S100A7A: variants seen among roughly 807,000 people sequenced by gnomAD.
S100A7A encodes protein S100-A7A.
A neutral mutation model predicts 4.0 loss-of-function variants in S100A7A; 5 were observed. The observed-to-expected ratio is 1.26, with a 90% CI of 0.66 to 2.66. S100A7A has a LOEUF of 2.66. S100A7A is among the 30% of genes most tolerant of loss of function. The pLI, the probability that S100A7A is intolerant of heterozygous loss-of-function variation, is 0.01. For missense variants in S100A7A, 159 were observed against 125.1 expected, an observed-to-expected ratio of 1.27 and a Z score of -1.29; for synonymous variants, 52 against 46.4, an observed-to-expected ratio of 1.12 and a Z score of -0.49.
intron 1 of S100A7A, 31 bp downstream of exon 1, chr1:153,416,594 A>G (rs1662723797): frequency 2.2e-6 from 1 of 463,668 alleles, no homozygotes; most frequent in Non-Finnish European, 4.3e-6. Flanking sequence ...TGCATTTTCT[A>G]GAAGTGCCCA....
intron 1 of S100A7A, chr1:153,417,298 A>C (rs1031180444): frequency 6.6e-6 from 1 of 152,198 alleles, no homozygotes; most frequent in Non-Finnish European, 1.5e-5. Context: ...TTTTATTTAA[A>C]CAGGGTCAAC....
In S100A7A at chr1:153,418,115, A is replaced by T. The variant is rs780636041; in HGVS notation, c.33A>T (p.Ile11=). Residue 11 remains isoleucine (I), a synonymous_variant, in exon 2 of 3, where the codon ATA becomes ATT. Coordinates refer to ENST00000368729, the MANE Select transcript of S100A7A (RefSeq NM_176823.4). Reference sequence around the variant, plus strand: ...ACACTCAAGCTGAGAGGTCCATAATAGGCATGATCGACATGTTTCACAAAT... The same window carrying T: ...ACACTCAAGCTGAGAGGTCCATAATTGGCATGATCGACATGTTTCACAAAT... MSNTQAERSI[I]GMIDMFHKYT... The T allele has an allele frequency of 2.8e-5, 45 of 1,614,082 alleles. No homozygotes were observed. The highest frequency in any genetic ancestry group is 5.0e-5 in the Admixed American group (3 of 60,010).
chr1:153,419,532 T>G lies in S100A7A; in HGVS notation c.*223T>G, dbSNP rs148609184. Reference sequence around the variant, plus strand: ...CCTATGGCCTCCAGCAGAGCTGATCTGCCTCTCACACAGGTCCTGGTGTCT... The same window carrying G: ...CCTATGGCCTCCAGCAGAGCTGATCGGCCTCTCACACAGGTCCTGGTGTCT... On this transcript the variant is annotated 3_prime_UTR_variant, in exon 3 of 3. Coordinates refer to ENST00000368729, the MANE Select transcript of S100A7A (RefSeq NM_176823.4). 3.4e-6 allele frequency: 2 copies of G among 584,986 alleles called. No homozygotes were observed. Among genetic ancestry groups the G allele is most frequent in the Admixed American group, 6.2e-5 (2 of 32,384 alleles). The allele number at this position is 584,986 out of a possible 1,614,324, so 36.2% of individuals were successfully genotyped here. A position where few individuals can be genotyped will look rare whatever the true frequency, so the allele number is the denominator to read the frequency against.
intron 2 of S100A7A, 75 bp downstream of exon 2, chr1:153,418,298 G>C: frequency 6.3e-7 from 1 of 1,583,524 alleles, no homozygotes; most frequent in Non-Finnish European, 8.6e-7. Flanking sequence ...ATGTGGCCTT[G>C]GACAGGTCAC....
In S100A7A at chr1:153,419,211, A is replaced by C. The variant is rs754186333; in HGVS notation, c.208A>C (p.Ile70Leu). 1 of 1,614,168 alleles carries C rather than the reference A, an allele frequency of 6.2e-7. No individual in the cohort carries two copies. The highest frequency in any genetic ancestry group is 1.1e-5 in the South Asian group (1 of 91,080). The part of the protein sequence containing the change: ...EKKDKNEDKK[I>L]DFSEFLSLLG... ...AAAGGACAAGAATGAGGATAAGAAGATTGATTTTTCTGAGTTTCTGTCCTT... is the reference window on the plus strand; with the variant it reads ...AAAGGACAAGAATGAGGATAAGAAGCTTGATTTTTCTGAGTTTCTGTCCTT... The change falls in exon 3 of 3, where the codon ATT becomes CTT. Residue 70 changes from isoleucine to leucine, a missense_variant. Physicochemically the swap from Ile to Leu is conservative, Grantham distance 5. Transcript: ENST00000368729.
rs573807917 is a variant in S100A7A at position 153,419,263 on chromosome 1, A to G, written c.260A>G (p.His87Arg). ...CTGGGAGACATAGCCGCAGACTACC[A>G]CAAGCAGAGCCATGGAGCGGCGCCC... ...SLLGDIAADYHKQSHGAAPCS... is the reference protein window; with the variant it reads ...SLLGDIAADYRKQSHGAAPCS... The change falls in exon 3 of 3, where the codon CAC becomes CGC. Residue 87 changes from histidine to arginine, a missense_variant. Physicochemically the swap from His to Arg is conservative, Grantham distance 29. Transcript: ENST00000368729. The G allele has an allele frequency of 6.2e-7, 1 of 1,614,148 alleles. No individual in the cohort carries two copies. Among genetic ancestry groups the G allele is most frequent in the South Asian group, 1.1e-5 (1 of 91,078 alleles).
In S100A7A at chr1:153,420,603, TCTC is replaced by T. The variant is rs1381460066; in HGVS notation, c.*1298_*1300del. 6.6e-6 allele frequency: 1 copy of T among 152,304 alleles called. No homozygotes were observed. Among genetic ancestry groups the T allele is most frequent in the Non-Finnish European group, 1.5e-5 (1 of 68,136 alleles). The allele number at this position is 152,304 out of a possible 1,614,324, so 9.4% of individuals were successfully genotyped here. On this transcript the variant is annotated 3_prime_UTR_variant, in exon 3 of 3. Transcript: ENST00000368729. ...TCACACCTCTATTCACAGACCAGCATCTCCTCTCCTTATCAGGAACATTCCTTC... is the reference window on the plus strand; with the variant it reads ...TCACACCTCTATTCACAGACCAGCATCTCTCCTTATCAGGAACATTCCTTC...
chr1:153,419,377 C>T lies in S100A7A; in HGVS notation c.*68C>T, dbSNP rs1055154564. The T allele has an allele frequency of 6.7e-7, 1 of 1,487,072 alleles. No individual in the cohort carries two copies. Among genetic ancestry groups the T allele is most frequent in the Non-Finnish European group, 9.1e-7 (1 of 1,093,662 alleles). 92.1% of individuals were successfully genotyped at this position (1,487,072 alleles called of 1,614,324 possible). ...AGTGTCTCCTCCCACCAGACACTTG[C>T]CTTATTTCTTCTTCTCTTTGGTGAC... On this transcript the variant is annotated 3_prime_UTR_variant, in exon 3 of 3. Transcript: ENST00000368729.
chr1:153,422,440 T>C lies in S100A7A; in HGVS notation c.*3131T>C. 1 of 871,600 alleles carries C rather than the reference T, an allele frequency of 1.1e-6. No homozygotes were observed. The highest frequency in any genetic ancestry group is 1.4e-6 in the Non-Finnish European group (1 of 726,310). 54.0% of individuals were successfully genotyped at this position (871,600 alleles called of 1,614,324 possible). On this transcript the variant is annotated 3_prime_UTR_variant, in exon 3 of 3. Transcript: ENST00000368729. The stretch of plus-strand genomic sequence containing the variant: ...TACTAGAGCAAGAATTTACTTGATT[T>C]GGAATAATTAATAGCTACTGGACAT...
At chr1:153,417,893 G>C in intron 1 of S100A7A, 173 bp from the exon 2 acceptor site, 1 of 768,968 alleles carries the variant, frequency 1.3e-6, no homozygotes, top group Non-Finnish European at 2.0e-6. Flanking sequence ...TCTCAGACTT[G>C]GTCCTACCCT....
chr1:153,419,286 C>T lies in S100A7A; in HGVS notation c.283C>T (p.Pro95Ser). 6.2e-7 allele frequency: 1 copy of T among 1,614,188 alleles called. No homozygotes were observed. Among genetic ancestry groups the T allele is most frequent in the South Asian group, 1.1e-5 (1 of 91,086 alleles). Reference protein sequence around the residue: ...DYHKQSHGAAPCSGGSQ With the variant: ...DYHKQSHGAASCSGGSQ ...CCACAAGCAGAGCCATGGAGCGGCG[C>T]CCTGTTCTGGGGGAAGCCAGTGATC... is the stretch of plus-strand genomic sequence containing the variant. Residue 95 changes from proline (P) to serine (S), a missense_variant, in exon 3 of 3, where the codon CCC becomes TCC. Coordinates refer to ENST00000368729, the MANE Select transcript of S100A7A (RefSeq NM_176823.4).
At chr1:153,417,966 A>T in intron 1 of S100A7A, 100 bp from the exon 2 acceptor site, 2 of 1,428,696 alleles carry the variant, frequency 1.4e-6, no homozygotes, top group Non-Finnish European at 1.9e-6. Context: ...GCTCCATCTT[A>T]GGGCTGTTTT....
rs553697193 is a variant in S100A7A, at chr1:153,422,933, A to G, written c.*3624A>G. The G allele has an allele frequency of 1.3e-4, 20 of 152,338 alleles. No individual in the cohort carries two copies. The highest frequency in any genetic ancestry group is 4.6e-4 in the African/African-American group (19 of 41,588). The allele number at this position is 152,338 out of a possible 1,614,324, so 9.4% of individuals were successfully genotyped here. A position where few individuals can be genotyped will look rare whatever the true frequency, so the allele number is the denominator to read the frequency against. ...AAACACCATGAGAGCATACTCATAC[A>G]TGTTCCCTTATAAATCTGCGAGGTA... On this transcript the variant is annotated 3_prime_UTR_variant, in exon 3 of 3. Transcript: ENST00000368729.
chr1:153,416,844 C>A (rs559242439), intron 1 of S100A7A, among the ~76,000 whole-genome samples: 4 of 152,370 alleles, frequency 2.6e-5, no homozygotes, highest in African/African-American at 9.6e-5. Flanking sequence ...CCTCCCTTTC[C>A]TTCCTGTCTT....
chr1:153,416,823 G>A (rs1469213781), intron 1 of S100A7A, among the ~76,000 whole-genome samples: 2 of 152,236 alleles, frequency 1.3e-5, no homozygotes, highest in African/African-American at 4.8e-5. Flanking sequence ...AGTGGGACCT[G>A]AGCACAGGAC....
In S100A7A at chr1:153,419,252, C is replaced by T. The variant is rs770816797; in HGVS notation, c.249C>T (p.Ala83=). 8.1e-6 allele frequency: 13 copies of T among 1,614,166 alleles called. No individual in the cohort carries two copies. Among genetic ancestry groups the T allele is most frequent in the South Asian group, 5.5e-5 (5 of 91,082 alleles). The part of the protein sequence containing the change: ...SEFLSLLGDI[A]ADYHKQSHGA... Reference sequence around the variant, plus strand: ...TTCTGTCCTTGCTGGGAGACATAGCCGCAGACTACCACAAGCAGAGCCATG... The same window carrying T: ...TTCTGTCCTTGCTGGGAGACATAGCTGCAGACTACCACAAGCAGAGCCATG... Residue 83 remains alanine, a synonymous_variant, in exon 3 of 3, where the codon GCC becomes GCT. Coordinates refer to ENST00000368729, the MANE Select transcript of S100A7A (RefSeq NM_176823.4).
intron 2 of S100A7A, 86 bp from the exon 3 acceptor site, chr1:153,419,059 T>C: frequency 1.4e-6 from 2 of 1,422,632 alleles, no homozygotes; most frequent in Non-Finnish European, 2.0e-6. Context: ...GGTACTTGTC[T>C]GTATCTCTGC....
In S100A7A at chr1:153,423,021, T is replaced by A. The variant is rs992816388; in HGVS notation, c.*3712T>A. 6.6e-6 allele frequency: 1 copy of A among 152,174 alleles called. No individual in the cohort carries two copies. Among genetic ancestry groups the A allele is most frequent in the African/African-American group, 2.4e-5 (1 of 41,458 alleles). The allele number at this position is 152,174 out of a possible 1,614,324, so 9.4% of individuals were successfully genotyped here. A position where few individuals can be genotyped will look rare whatever the true frequency, so the allele number is the denominator to read the frequency against. On this transcript the variant is annotated 3_prime_UTR_variant, in exon 3 of 3. Transcript: ENST00000368729. ...CATCACAGATTTTATATATATACTT[T>A]TTTTTAACTAAGTGTGAGATAATAT...
At position 153,422,430 on chromosome 1, in the gene S100A7A, T is replaced by A; in HGVS notation, c.*3121T>A. On this transcript the variant is annotated 3_prime_UTR_variant, in exon 3 of 3. Coordinates refer to ENST00000368729, the MANE Select transcript of S100A7A (RefSeq NM_176823.4). ...TTCTAACACATACTAGAGCAAGAAT[T>A]TACTTGATTTGGAATAATTAATAGC... The A allele has an allele frequency of 1.2e-6, 1 of 820,478 alleles. No homozygotes were observed. Among genetic ancestry groups the A allele is most frequent in the Non-Finnish European group, 1.5e-6 (1 of 679,712 alleles). The allele number at this position is 820,478 out of a possible 1,614,324, so 50.8% of individuals were successfully genotyped here.
Sources: gnomAD v4.1 joint callset for allele counts (sites outside exome capture counted in the v4.1 genomes callset) on GRCh38, gnomAD v4.1.1 for gene constraint, MANE v1.5 for transcripts, NCBI Gene and HGNC (gene_info 2026-07-23, HGNC 2026-07-21) for gene names.